CACNA1S: variants seen among roughly 807,000 people sequenced by gnomAD.
CACNA1S encodes the protein voltage-dependent L-type calcium channel subunit alpha-1S.
A neutral mutation model predicts 207.4 loss-of-function variants in CACNA1S; 126 were observed. That is an observed-to-expected ratio of 0.61 (90% CI 0.53 to 0.70). CACNA1S has a LOEUF of 0.70. Among genes scored for constraint, CACNA1S ranks in the 30% least tolerant of loss-of-function variants. The pLI is 0.00. For missense variants in CACNA1S, 2,349 were observed against 2,422.8 expected, an observed-to-expected ratio of 0.97 and a Z score of 0.64; for synonymous variants, 960 against 932.7, an observed-to-expected ratio of 1.03 and a Z score of -0.53.
Position 201,053,696 on chromosome 1 carries a change from T to G in CACNA1S, c.3667-109A>C. On this transcript the variant is annotated intron_variant, in intron 29 of 43. Transcript: ENST00000362061. The surrounding 1 kb of genome is among the most constrained non-coding windows in gnomAD (Gnocchi z 5.1). ...GTGTTTTGGGGAGATGTTTGTGGCA[T>G]GGAGGAACTCCAGCCCCGCCTCTGG... 1 of 1,162,092 alleles carries G rather than the reference T, an allele frequency of 8.6e-7. No individual in the cohort carries two copies. The allele number at this position is 1,162,092 out of a possible 1,614,324, so 72.0% of individuals were successfully genotyped here.
At chr1:201,054,663 G>C in intron 28 of CACNA1S, 102 bp from the exon 29 acceptor site, 4 of 748,114 alleles carry the variant, frequency 5.3e-6, no homozygotes, top group Non-Finnish European at 8.1e-6. Context: ...CAGACACACA[G>C]AAGAGTTAAA....
At position 201,066,139 on chromosome 1, in the gene CACNA1S, A is replaced by G; in HGVS notation, c.2745+90T>C. On this transcript the variant is annotated intron_variant, in intron 21 of 43. Coordinates refer to ENST00000362061, the MANE Select transcript of CACNA1S (RefSeq NM_000069.3). The surrounding 1 kb of genome is among the most constrained non-coding windows in gnomAD (Gnocchi z 4.3). ...CCCAGGGAGATGGGACAGGGGTCCC[A>G]GCCATGGCTGGGCTGAGGTTTCTGG... is the stretch of plus-strand genomic sequence containing the variant. 2 of 1,301,588 alleles carry G rather than the reference A, an allele frequency of 1.5e-6. No individual in the cohort carries two copies. The highest frequency in any genetic ancestry group is 2.2e-6 in the Non-Finnish European group (2 of 899,114). 80.6% of individuals were successfully genotyped at this position (1,301,588 alleles called of 1,614,324 possible).
chr1:201,054,060 C>T (rs1660747233), intron 29 of CACNA1S, among the ~76,000 whole-genome samples: 1 of 152,218 alleles, frequency 6.6e-6, no homozygotes, highest in Non-Finnish European at 1.5e-5. Flanking sequence ...CCATCACTCC[C>T]ACCCTGCACA....
intron 28 of CACNA1S, among the ~76,000 whole-genome samples, chr1:201,057,930 C>G (rs1410748467): frequency 1.3e-5 from 2 of 152,234 alleles, no homozygotes; most frequent in African/African-American, 4.8e-5. Flanking sequence ...AGCTCTCCAG[C>G]CTTGCCCTCT....
At chr1:201,067,330 G>C (rs1400280624) in intron 19 of CACNA1S, among the ~76,000 whole-genome samples, 1 of 152,094 alleles carries the variant, frequency 6.6e-6, no homozygotes, top group Non-Finnish European at 1.5e-5. Context: ...TCTCCTTCCT[G>C]GAAAGCTTCT....
chr1:201,043,884 T>C (rs986523738), intron 39 of CACNA1S, among the ~76,000 whole-genome samples: 1 of 152,048 alleles, frequency 6.6e-6, no homozygotes, highest in Non-Finnish European at 1.5e-5. Context: ...TCTCACATGA[T>C]CTCTGTGGGC....
At chr1:201,106,620 T>C (rs1157759252) in intron 2 of CACNA1S, among the ~76,000 whole-genome samples, 2 of 152,332 alleles carry the variant, frequency 1.3e-5, no homozygotes, top group Non-Finnish European at 2.9e-5. Flanking sequence ...CTCAGCCTAC[T>C]GTGGTGTCTT....
chr1:201,085,468 C>G lies in CACNA1S; in HGVS notation c.1118G>C (p.Gly373Ala), dbSNP rs746722828. 1 of 1,613,406 alleles carries G rather than the reference C, an allele frequency of 6.2e-7. No individual in the cohort carries two copies. ...LRGYMSWITQ[G>A]EVMDVEDFRE... ...GAAGTCCTCAACATCCATGACCTCG[C>G]CCTGCGTGATCCAGCTCATGTAGCC... The change falls in exon 8 of 44, where the codon GGC (glycine) becomes GCC (alanine). Residue 373 changes from glycine to alanine, a missense_variant. By Grantham distance (60) the Gly-to-Ala change is moderately conservative (BLOSUM62 0). Transcript: ENST00000362061.
At position 201,066,063 on chromosome 1, in the gene CACNA1S, A is replaced by G; in HGVS notation, c.2746-118T>C. 1 of 936,410 alleles carries G rather than the reference A, an allele frequency of 1.1e-6. No homozygotes were observed. The highest frequency in any genetic ancestry group is 1.7e-6 in the Non-Finnish European group (1 of 586,542). The allele number at this position is 936,410 out of a possible 1,614,324, so 58.0% of individuals were successfully genotyped here. A position where few individuals can be genotyped will look rare whatever the true frequency, so the allele number is the denominator to read the frequency against. Reference sequence around the variant, plus strand: ...CCTCCTGATGAGTTGGAGGTGGGGAAAGGCTGGTGGGGAAGCATAGCTACC... The same window carrying G: ...CCTCCTGATGAGTTGGAGGTGGGGAGAGGCTGGTGGGGAAGCATAGCTACC... On this transcript the variant is annotated intron_variant, in intron 21 of 43. Coordinates refer to ENST00000362061, the MANE Select transcript of CACNA1S (RefSeq NM_000069.3). The surrounding 1 kb of genome is among the most constrained non-coding windows in gnomAD (Gnocchi z 4.3).
At chr1:201,085,065 CG>C in intron 8 of CACNA1S, 34 bp from the exon 9 acceptor site, 1 of 1,530,380 alleles carries the variant, frequency 6.5e-7, no homozygotes, top group Non-Finnish European at 9.0e-7. Flanking sequence ...AGCCAGCCTT[CG>C]GGGCCCCTCT....
In CACNA1S at chr1:201,108,105, ATTTT is replaced by A. The variant is rs61596637; in HGVS notation, c.258+2055_258+2058del. Among the ~76,000 whole-genome samples, 767 of 138,884 alleles carry A rather than the reference ATTTT, an allele frequency of 5.5e-3. 3 individuals are homozygous for A. The highest frequency in any genetic ancestry group is 0.02 in the African/African-American group (728 of 36,998). The allele number at this position is 138,884 out of a possible 152,430, so 91.1% of individuals were successfully genotyped here. ...AAGATGACATAACCATTAAGATGTA[ATTTT>A]TTTTTTTTTTTTTTGAGACAGGGTC... On this transcript the variant is annotated intron_variant, in intron 2 of 43. Coordinates refer to ENST00000362061, the MANE Select transcript of CACNA1S (RefSeq NM_000069.3).
Position 201,053,116 on chromosome 1 carries a change from G to A in CACNA1S, c.3861+93C>T. Reference sequence around the variant, plus strand: ...CAAGGCAGGGAGGGCGGAGGGTCCAGCCCGTGTGCTGCTCAGGCTCCTCAG... The same window carrying A: ...CAAGGCAGGGAGGGCGGAGGGTCCAACCCGTGTGCTGCTCAGGCTCCTCAG... On this transcript the variant is annotated intron_variant, in intron 31 of 43. Transcript: ENST00000362061. The surrounding 1 kb of genome is among the most constrained non-coding windows in gnomAD (Gnocchi z 5.1). 7.1e-7 allele frequency: 1 copy of A among 1,407,880 alleles called. No homozygotes were observed. Among genetic ancestry groups the A allele is most frequent in the Non-Finnish European group, 1.0e-6 (1 of 991,848 alleles). The allele number at this position is 1,407,880 out of a possible 1,614,324, so 87.2% of individuals were successfully genotyped here. A position where few individuals can be genotyped will look rare whatever the true frequency, so the allele number is the denominator to read the frequency against.
rs368788419 is a variant in CACNA1S at position 201,078,193 on chromosome 1, C to T, written c.1394-89G>A. The T allele has an allele frequency of 2.0e-4, 209 of 1,026,956 alleles. 4 individuals are homozygous for T. The highest frequency in any genetic ancestry group is 1.4e-3 in the South Asian group (109 of 78,630). 63.6% of individuals were successfully genotyped at this position (1,026,956 alleles called of 1,614,324 possible). A position where few individuals can be genotyped will look rare whatever the true frequency, so the allele number is the denominator to read the frequency against. On this transcript the variant is annotated intron_variant, in intron 10 of 43. Coordinates refer to ENST00000362061, the MANE Select transcript of CACNA1S (RefSeq NM_000069.3). ...GCTGTGGCTGGGCCTCAACCCAGGA[C>T]GCCCCTTCCCTTGTTTCCAAGGCAC... is the stretch of plus-strand genomic sequence containing the variant.
intron 10 of CACNA1S, among the ~76,000 whole-genome samples, chr1:201,079,821 C>T (rs371481587): frequency 4.9e-4 from 75 of 152,292 alleles, no homozygotes; most frequent in African/African-American, 1.8e-3. Context: ...CCCCTTTTCT[C>T]TTGCTGTCCA....
chr1:201,102,271 G>T (rs1397963407), intron 2 of CACNA1S, among the ~76,000 whole-genome samples: 1 of 152,126 alleles, frequency 6.6e-6, no homozygotes. Flanking sequence ...CACAGCAGAG[G>T]CCAGACACTC....
chr1:201,055,488 G>A lies in CACNA1S; in HGVS notation c.3610-927C>T, dbSNP rs969674567. On this transcript the variant is annotated intron_variant, in intron 28 of 43. Transcript: ENST00000362061. The stretch of plus-strand genomic sequence containing the variant: ...GTGATTCTCATATGCAAGCAAGGAT[G>A]ACGACCAGTGTTCTATACCTGTGCT... Among the ~76,000 whole-genome samples, 4 of 152,238 alleles carry A rather than the reference G, an allele frequency of 2.6e-5. No homozygotes were observed. The East Asian group carries it at 7.7e-4, about 29-fold the overall frequency.
chr1:201,097,639 C>T (rs979514504), intron 2 of CACNA1S, among the ~76,000 whole-genome samples: 1 of 152,224 alleles, frequency 6.6e-6, no homozygotes, highest in African/African-American at 2.4e-5. Flanking sequence ...GTCATCCTCA[C>T]ATGTGTTTCT....
rs115120991 is a variant in CACNA1S, at chr1:201,074,231, C to T, written c.2063+275G>A. 6.8e-3 allele frequency among the ~76,000 whole-genome samples: 1,030 copies of T among 152,352 alleles called. 14 individuals carry two copies. Among genetic ancestry groups the T allele is most frequent in the African/African-American group, 0.023 (962 of 41,568 alleles). On this transcript the variant is annotated intron_variant, in intron 14 of 43. Transcript: ENST00000362061. ...GGGAGGGGAATTCCCAGGATCCCTC[C>T]GCAGGGGAGCCCTGCCCAACTGGCC...
chr1:201,044,460 G>T lies in CACNA1S; in HGVS notation c.4669-4C>A. The T allele has an allele frequency of 1.2e-6, 2 of 1,611,828 alleles. No individual in the cohort carries two copies. The highest frequency in any genetic ancestry group is 1.1e-5 in the South Asian group (1 of 91,050). Reference sequence around the variant, plus strand: ...CCTCAATGGTCCGCAGCCCTGCCTGGGGATGACGAAGGGACTCAGTTATCT... The same window carrying T: ...CCTCAATGGTCCGCAGCCCTGCCTGTGGATGACGAAGGGACTCAGTTATCT... On this transcript the variant is annotated splice_polypyrimidine_tract_variant and splice_region_variant and intron_variant, in intron 38 of 43. Coordinates refer to ENST00000362061, the MANE Select transcript of CACNA1S (RefSeq NM_000069.3).
Sources: gnomAD v4.1 joint callset for allele counts (sites outside exome capture counted in the v4.1 genomes callset) on GRCh38, gnomAD v4.1.1 for gene constraint, Gnocchi (gnomAD v3.1) non-coding constraint, MANE v1.5 for transcripts, NCBI Gene and HGNC (gene_info 2026-07-23, HGNC 2026-07-21) for gene names.